The following CCDC171 variants were observed in gnomAD, a reference collection of about 807,000 sequenced individuals.
CCDC171 encodes the protein coiled-coil domain-containing protein 171.
A neutral mutation model predicts 168.2 loss-of-function variants in CCDC171; 177 were observed. The ratio of observed to expected loss-of-function variants is 1.05; its 90% CI spans 0.93 to 1.19. CCDC171 has a LOEUF of 1.19. CCDC171 is among the 50% of genes most tolerant of loss of function. CCDC171 has a pLI of 0.00. For missense variants in CCDC171, 1,991 were observed against 1,539.0 expected, an observed-to-expected ratio of 1.29 and a Z score of -4.91; for synonymous variants, 687 against 540.8, an observed-to-expected ratio of 1.27 and a Z score of -3.75.
intron 7 of CCDC171, among the ~76,000 whole-genome samples, chr9:15,632,527 C>T (rs1333540025): frequency 6.6e-6 from 1 of 152,044 alleles, no homozygotes; most frequent in Admixed American, 6.6e-5. Flanking sequence ...AAAGAGGATA[C>T]AAACAAATGG....
intron 7 of CCDC171, among the ~76,000 whole-genome samples, chr9:15,634,140 T>G (rs192583371): frequency 8.0e-4 from 121 of 152,132 alleles, no homozygotes; most frequent in African/African-American, 2.7e-3. Flanking sequence ...CTAACCTGCA[T>G]ATTGTGTACA....
chr9:15,714,422 A>G (rs770266384), intron 11 of CCDC171, among the ~76,000 whole-genome samples: 3 of 152,144 alleles, frequency 2.0e-5, no homozygotes, highest in Non-Finnish European at 2.9e-5. Context: ...GGGTTCAGGT[A>G]CCTACTGGAC....
chr9:15,928,506 C>G (rs754983769), intron 25 of CCDC171, among the ~76,000 whole-genome samples: 6 of 151,714 alleles, frequency 4.0e-5, no homozygotes, highest in African/African-American at 1.5e-4. Context: ...GAGAAACTCT[C>G]ACTGTGATAT....
chr9:15,637,485 A>T (rs902836983), intron 7 of CCDC171, among the ~76,000 whole-genome samples: 7 of 151,656 alleles, frequency 4.6e-5, no homozygotes, highest in Non-Finnish European at 1.0e-4. Context: ...TATTATTATT[A>T]TACTTTAAGT....
In CCDC171 at chr9:15,582,671, C is replaced by T. The variant is rs866519967; in HGVS notation, c.352+3648C>T. Among the ~76,000 whole-genome samples, 194 of 152,172 alleles carry T rather than the reference C, an allele frequency of 1.3e-3. 1 individual carries two copies. Among genetic ancestry groups the T allele is most frequent in the African/African-American group, 4.5e-3 (187 of 41,502 alleles). ...GCTGGAAACCATCATTCTCCACAAA[C>T]TAACACAAGAACAGAAAACCAAACA... is the stretch of plus-strand genomic sequence containing the variant. On this transcript the variant is annotated intron_variant, in intron 4 of 25. Transcript: ENST00000380701.
intron 4 of CCDC171, among the ~76,000 whole-genome samples, chr9:15,582,147 C>T (rs2041174237): frequency 6.6e-6 from 1 of 152,200 alleles, no homozygotes. Flanking sequence ...CAAAAGAAGA[C>T]ATTTATGCAA....
intron 19 of CCDC171, among the ~76,000 whole-genome samples, 172 bp downstream of exon 19, chr9:15,777,998 C>A (rs1427864185): frequency 6.6e-6 from 1 of 152,074 alleles, no homozygotes. Flanking sequence ...TCCAAAATAT[C>A]TAAATACAAA....
chr9:15,677,282 A>G (rs1191961012), intron 9 of CCDC171, among the ~76,000 whole-genome samples: 15 of 152,138 alleles, frequency 9.9e-5, no homozygotes, highest in Admixed American at 8.5e-4. Flanking sequence ...GTAGCATCCA[A>G]TCCTTTTACA....
At chr9:15,588,465 C>CA in intron 4 of CCDC171, 1 of 292,618 alleles carries the variant, frequency 3.4e-6, no homozygotes, top group South Asian at 3.8e-5. Context: ...AGCGCAAGCC[C>CA]AAAAAGCCTT....
chr9:15,697,081 C>G (rs79697282), intron 11 of CCDC171, among the ~76,000 whole-genome samples: 1 of 152,212 alleles, frequency 6.6e-6, no homozygotes, highest in East Asian at 1.9e-4. Context: ...GCTCCTTTAC[C>G]TTCTGGCTTC....
chr9:15,646,160 G>A (rs1194284449), intron 7 of CCDC171, among the ~76,000 whole-genome samples: 1 of 152,156 alleles, frequency 6.6e-6, no homozygotes, highest in Admixed American at 6.5e-5. Flanking sequence ...CTTCATAAGT[G>A]AAGGAGAAAT....
At chr9:15,691,541 G>GA (rs751195968) in intron 10 of CCDC171, among the ~76,000 whole-genome samples, 46,056 of 114,726 alleles carry the variant, frequency 0.4, 10,532 homozygotes, top group East Asian at 0.68. Context: ...GTAAATATAT[G>GA]TTTTTTATAT....
chr9:15,893,242 T>A (rs2131526901), intron 24 of CCDC171, among the ~76,000 whole-genome samples: 1 of 152,314 alleles, frequency 6.6e-6, no homozygotes, highest in South Asian at 2.1e-4. Context: ...TGCAAAATAT[T>A]GAAACTGGAC....
At chr9:15,991,078 A>G (rs1411206131) in intron 3 of CCDC171, among the ~76,000 whole-genome samples, 1 of 152,234 alleles carries the variant, frequency 6.6e-6, no homozygotes, top group Non-Finnish European at 1.5e-5. Context: ...AAGCAGACCT[A>G]ATAGATATCT....
At chr9:15,804,691 T>G (rs556311306) in intron 21 of CCDC171, among the ~76,000 whole-genome samples, 1 of 152,032 alleles carries the variant, frequency 6.6e-6, no homozygotes, top group East Asian at 1.9e-4. Flanking sequence ...TAGCCTGGAG[T>G]TGTCTTGTTT....
the CCDC171 span, among the ~76,000 whole-genome samples, chr9:16,101,510 C>G: frequency 1.3e-5 from 2 of 152,222 alleles, no homozygotes; most frequent in Non-Finnish European, 2.9e-5. Context: ...TGTTACACTA[C>G]ATGGCAAAAG....
intron 18 of CCDC171, among the ~76,000 whole-genome samples, chr9:15,774,246 TAAAAAAAAAA>T (rs56239417): frequency 1.1e-4 from 4 of 38,022 alleles, no homozygotes; most frequent in Admixed American, 5.1e-4. Flanking sequence ...ACGCTGTCTT[TAAAAAAAAAA>T]AAAAAAAAAA....
chr9:15,732,505 T>A (rs1330735253), intron 16 of CCDC171, among the ~76,000 whole-genome samples: 2 of 152,118 alleles, frequency 1.3e-5, no homozygotes, highest in African/African-American at 4.8e-5. Flanking sequence ...ATCTATATAG[T>A]TTTGCCCTCT....
Position 15,629,247 on chromosome 9 carries a change from A to G in CCDC171, c.822+5834A>G, listed in dbSNP as rs1057029962. 3.9e-5 allele frequency among the ~76,000 whole-genome samples: 6 copies of G among 152,138 alleles called. No homozygotes were observed. The East Asian group carries it at 7.7e-4, about 20-fold the overall frequency. ...CAAACTACTCCGAGCTACAAGAGGA[A>G]ATTCAAACCAAAGGCAAAGAAGTTG... On this transcript the variant is annotated intron_variant, in intron 7 of 25. Transcript: ENST00000380701.
Sources: gnomAD v4.1 joint callset for allele counts (sites outside exome capture counted in the v4.1 genomes callset) on GRCh38, gnomAD v4.1.1 for gene constraint, MANE v1.5 for transcripts, NCBI Gene and HGNC (gene_info 2026-07-23, HGNC 2026-07-21) for gene names.